The following ZNF695 variants were observed in gnomAD, a reference collection of about 807,000 sequenced individuals.
The protein encoded by ZNF695 is zinc finger protein 695.
A neutral mutation model predicts 11.2 loss-of-function variants in ZNF695; 11 were observed. That is an observed-to-expected ratio of 0.98 (90% confidence interval 0.62 to 1.62). The LOEUF (loss-of-function observed/expected upper bound fraction) is 1.62, where lower values mean the gene tolerates loss of function less well. ZNF695 is among the 40% of genes most tolerant of loss of function. The pLI is 0.00. For missense variants in ZNF695, 559 were observed against 590.5 expected (o/e 0.95, Z 0.55); for synonymous variants, 190 against 201.4 (o/e 0.94, Z 0.48).
chr1:246,964,208 T>G (rs1288203045), intron 5 of ZNF695, among the ~76,000 whole-genome samples: 2 of 151,990 alleles, frequency 1.3e-5, no homozygotes, highest in Non-Finnish European at 2.9e-5. Flanking sequence ...TCATGGAGGC[T>G]TCATCACATA....
intron 1 of ZNF695, among the ~76,000 whole-genome samples, chr1:247,006,433 A>G (rs567662653): frequency 1.2e-3 from 185 of 152,196 alleles, no homozygotes; most frequent in African/African-American, 3.9e-3. Flanking sequence ...CAACATAATG[A>G]AACCCCATCT....
chr1:247,008,054 A>G lies in ZNF695; in HGVS notation c.-146T>C. On this transcript the variant is annotated 5_prime_UTR_variant, in exon 1 of 4. Coordinates refer to ENST00000339986, the MANE Select transcript of ZNF695 (RefSeq NM_020394.5). ...AGCACCCCGCCGGCCGCAAGGAGAC[A>G]AAGGCCCCGCCAGATCCCCAAGGCC... is the stretch of plus-strand genomic sequence containing the variant. The G allele has an allele frequency of 5.9e-6, 5 of 849,338 alleles. No individual in the cohort carries two copies. The highest frequency in any genetic ancestry group is 8.2e-6 in the Non-Finnish European group (5 of 613,078). The allele number at this position is 849,338 out of a possible 1,614,324, so 52.6% of individuals were successfully genotyped here.
intron 4 of ZNF695, among the ~76,000 whole-genome samples, chr1:246,979,461 C>T (rs982350959): frequency 1.3e-5 from 2 of 152,108 alleles, no homozygotes; most frequent in African/African-American, 4.8e-5. Flanking sequence ...TTGATTTTGC[C>T]ATTTCAAGGA....
Position 247,007,905 on chromosome 1 carries a change from C to G in ZNF695, c.3+1G>C, listed in dbSNP as rs1018932282. On this transcript the variant is annotated splice_donor_variant, in intron 1 of 3. Transcript: ENST00000339986. LOFTEE classifies it high-confidence loss of function. ...CGGGACACCCTGCTCCGCACACTCA[C>G]CATTTCCCAGCTTTTGGGGGTCCCA... 1.6e-5 allele frequency: 25 copies of G among 1,538,124 alleles called. No individual in the cohort carries two copies. The highest frequency in any genetic ancestry group is 2.1e-5 in the Non-Finnish European group (24 of 1,136,240).
intron 4 of ZNF695, chr1:246,969,133 C>T (rs377434088): frequency 3.3e-5 from 5 of 152,218 alleles, no homozygotes; most frequent in African/African-American, 1.2e-4. Context: ...CATTTCCAAA[C>T]TTTAATACTC....
intron 1 of ZNF695, among the ~76,000 whole-genome samples, chr1:247,004,290 T>C (rs1050265584): frequency 6.6e-6 from 1 of 152,074 alleles, no homozygotes; most frequent in African/African-American, 2.4e-5. Flanking sequence ...GTTCAACATA[T>C]GTAAATCAAC....
In ZNF695 at chr1:246,987,957, G is replaced by A. The variant is rs1668906213; in HGVS notation, c.558C>T (p.Cys186=). Residue 186 remains cysteine (C), a synonymous_variant, in exon 4 of 4, where the codon TGC becomes TGT. Coordinates refer to ENST00000339986, the MANE Select transcript of ZNF695 (RefSeq NM_020394.5). ...ISHTGEKPFK[C]KECGNVSCMS... ...TGCAAGAGACATTGCCACATTCTTT[G>A]CATTTGAATGGTTTTTCTCCAGTAT... 1.2e-6 allele frequency: 2 copies of A among 1,609,196 alleles called. No individual in the cohort carries two copies. The highest frequency in any genetic ancestry group is 1.1e-5 in the South Asian group (1 of 89,974).
At chr1:246,949,227 G>A (rs1349660812) in intron 5 of ZNF695, among the ~76,000 whole-genome samples, 1 of 152,150 alleles carries the variant, frequency 6.6e-6, no homozygotes, top group Non-Finnish European at 1.5e-5. Flanking sequence ...TGAGAGGCAG[G>A]TGGAATTTTT....
intron 2 of ZNF695, 97 bp downstream of exon 2, chr1:246,999,815 C>T (rs1669310733): frequency 7.7e-7 from 1 of 1,294,372 alleles, no homozygotes; most frequent in African/African-American, 1.5e-5. Context: ...ACCAAGAAAT[C>T]CCCAAGGTTT....
At chr1:246,954,691 G>T (rs1461435786) in intron 5 of ZNF695, among the ~76,000 whole-genome samples, 3 of 152,160 alleles carry the variant, frequency 2.0e-5, no homozygotes, top group Non-Finnish European at 2.9e-5. Context: ...CTGTAAAAAT[G>T]TGGAATCTGG....
chr1:247,000,050 C>T lies in ZNF695; in HGVS notation c.28G>A (p.Ala10Thr). 6.2e-7 allele frequency: 1 copy of T among 1,609,834 alleles called. No individual in the cohort carries two copies. ...CACTCCTCTGGAGAGAATTCTAGAG[C>T]CACATCCCTGAATGCCAATAGTCCC... MGLLAFRDV[A>T]LEFSPEEWEC... Residue 10 changes from alanine (A) to threonine (T), a missense_variant, in exon 2 of 4, where the codon GCT (alanine) becomes ACT (threonine). Transcript: ENST00000339986.
chr1:246,970,380 T>C (rs1668395945), intron 4 of ZNF695, among the ~76,000 whole-genome samples: 1 of 152,062 alleles, frequency 6.6e-6, no homozygotes, highest in Admixed American at 6.5e-5. Flanking sequence ...AATTTTCGAG[T>C]TGTTGTGTAA....
chr1:246,986,295 TG>T lies in ZNF695; in HGVS notation c.*671del. Reference sequence around the variant, plus strand: ...GTTGCCCAGCCTGGTCCCAAACTCCTGGGCTCAAGCAATCCCCCGACCTCGG... The same window carrying T: ...GTTGCCCAGCCTGGTCCCAAACTCCTGGCTCAAGCAATCCCCCGACCTCGG... On this transcript the variant is annotated 3_prime_UTR_variant, in exon 4 of 4. Transcript: ENST00000339986. 1.1e-6 allele frequency: 1 copy of T among 874,658 alleles called. No individual in the cohort carries two copies. The highest frequency in any genetic ancestry group is 1.4e-6 in the Non-Finnish European group (1 of 729,186). 54.2% of individuals were successfully genotyped at this position (874,658 alleles called of 1,614,324 possible).
intron 5 of ZNF695, among the ~76,000 whole-genome samples, chr1:246,957,660 G>C (rs929428238): frequency 5.3e-5 from 8 of 151,658 alleles, no homozygotes; most frequent in Non-Finnish European, 1.0e-4. Context: ...TTTGAGATAG[G>C]GTGTCACTCA....
chr1:246,945,952 C>T, intron 5 of ZNF695: 1 of 1,263,912 alleles, frequency 7.9e-7, no homozygotes, highest in Non-Finnish European at 1.1e-6. Context: ...TCTGTCTGTC[C>T]CTTGCCATTT....
intron 4 of ZNF695, among the ~76,000 whole-genome samples, chr1:246,978,776 C>T (rs1446148949): frequency 6.6e-6 from 1 of 152,190 alleles, no homozygotes; most frequent in Non-Finnish European, 1.5e-5. Flanking sequence ...TGGGCCTCTC[C>T]TTCATGTTAC....
intron 4 of ZNF695, among the ~76,000 whole-genome samples, chr1:246,974,149 C>A (rs2800213): frequency 0.12 from 4,219 of 33,944 alleles, 175 homozygotes; most frequent in African/African-American, 0.4. Flanking sequence ...GAATAAAAAA[C>A]AAACAAACAA....
At chr1:247,004,951 TTC>T (rs1669491970) in intron 1 of ZNF695, among the ~76,000 whole-genome samples, 1 of 152,190 alleles carries the variant, frequency 6.6e-6, no homozygotes. Context: ...CAGAAATATA[TTC>T]TGTGTTCATG....
chr1:246,948,577 T>C (rs1405962486), intron 5 of ZNF695, among the ~76,000 whole-genome samples: 3 of 152,132 alleles, frequency 2.0e-5, no homozygotes, highest in Non-Finnish European at 4.4e-5. Flanking sequence ...CTGTCCCAGG[T>C]TCCTTGGCAA....
Sources: gnomAD v4.1 joint callset for allele counts (sites outside exome capture counted in the v4.1 genomes callset) on GRCh38, gnomAD v4.1.1 for gene constraint, MANE v1.5 for transcripts, NCBI Gene and HGNC (gene_info 2026-07-23, HGNC 2026-07-21) for gene names.